CNNM1: variants seen among roughly 807,000 people sequenced by gnomAD.
CNNM1 encodes cyclin and CBS domain divalent metal cation transport mediator 1.
CNNM1 carries 44 observed loss-of-function variants against 78.8 expected under a neutral mutation model. That is an observed-to-expected ratio of 0.56 (90% CI 0.44 to 0.72). The LOEUF (loss-of-function observed/expected upper bound fraction) is 0.72. CNNM1 is among the 30% of genes least tolerant of loss of function. The probability of loss-of-function intolerance (pLI) is 0.00; values close to 1 mark genes in which losing one functional copy is unlikely to be tolerated. For synonymous variants in CNNM1, 584 were observed against 581.5 expected (o/e 1.00, Z -0.06); for missense variants, 1,101 against 1,292.2 (o/e 0.85, Z 2.27).
chr10:99,354,757 A>C (rs1021143245), intron 1 of CNNM1, among the ~76,000 whole-genome samples: 1 of 152,138 alleles, frequency 6.6e-6, no homozygotes, highest in South Asian at 2.1e-4. Context: ...AATGGTGGTA[A>C]CCTGGTATGC....
chr10:99,379,126 A>G (rs994399082), intron 7 of CNNM1, among the ~76,000 whole-genome samples: 2 of 152,214 alleles, frequency 1.3e-5, no homozygotes, highest in Non-Finnish European at 2.9e-5. Context: ...TTCGTGTTGG[A>G]CATGTGATCT....
At chr10:99,360,321 G>C (rs919461214) in intron 2 of CNNM1, among the ~76,000 whole-genome samples, 1 of 152,180 alleles carries the variant, frequency 6.6e-6, no homozygotes, top group African/African-American at 2.4e-5. Flanking sequence ...GGCCAGTTCA[G>C]GGCAAAGGAG....
rs1373969689 is a variant in CNNM1, at chr10:99,356,502, G to GAA, written c.1574-1009_1574-1008insAA. On this transcript the variant is annotated intron_variant, in intron 1 of 10. Coordinates refer to ENST00000356713, the MANE Select transcript of CNNM1 (RefSeq NM_020348.3). ...AAAGAAAGAAAGAGAGAGAGAGAGA[G>GAA]AGAGAGAGAAAGAGAAAGAGAGAAA... Among the ~76,000 whole-genome samples, 141 of 148,462 alleles carry GAA rather than the reference G, an allele frequency of 9.5e-4. 1 individual carries two copies. The highest frequency in any genetic ancestry group is 3.4e-3 in the African/African-American group (135 of 39,908).
chr10:99,341,701 C>CT (rs1166957038), intron 1 of CNNM1, among the ~76,000 whole-genome samples: 1 of 152,212 alleles, frequency 6.6e-6, no homozygotes, highest in Non-Finnish European at 1.5e-5. Flanking sequence ...GGAGCCGACA[C>CT]TGTGTCTGAA....
chr10:99,349,861 T>C (rs951410060), intron 1 of CNNM1, among the ~76,000 whole-genome samples: 6 of 151,996 alleles, frequency 3.9e-5, no homozygotes, highest in Admixed American at 2.0e-4. Flanking sequence ...TAGCTGGGCG[T>C]GGTGGCGTGT....
intron 1 of CNNM1, among the ~76,000 whole-genome samples, chr10:99,356,578 A>C (rs1345483710): frequency 7.1e-5 from 9 of 126,040 alleles, no homozygotes; most frequent in African/African-American, 2.7e-4. Context: ...GAAAGAAAGA[A>C]AGAAAGAAAG....
chr10:99,393,931 A>T lies in CNNM1; in HGVS notation c.*2415A>T, dbSNP rs2032548020. On this transcript the variant is annotated 3_prime_UTR_variant, in exon 11 of 11. Coordinates refer to ENST00000356713, the MANE Select transcript of CNNM1 (RefSeq NM_020348.3). ...ACTTCTCGTAGATAACTTCACAGTC[A>T]TCCAGTCCCAACACCTGCTCTTGCC... 6.6e-6 allele frequency: 1 copy of T among 152,276 alleles called. No individual in the cohort carries two copies. Among genetic ancestry groups the T allele is most frequent in the African/African-American group, 2.4e-5 (1 of 41,464 alleles). 9.4% of individuals were successfully genotyped at this position (152,276 alleles called of 1,614,324 possible).
In CNNM1 at chr10:99,364,448, G is replaced by A; in HGVS notation, c.2060G>A (p.Gly687Asp). The change falls in exon 5 of 11, where the codon GGC becomes GAC. Residue 687 changes from glycine to aspartate, a missense_variant. Transcript: ENST00000356713. ...GKVEVEVGKE[G>D]LRFENGAFTY... Reference sequence around the variant, plus strand: ...GTGGAGGTGGAGGTTGGTAAGGAAGGCCTTCGCTTTGAAAATGGAGCCTTT... The same window carrying A: ...GTGGAGGTGGAGGTTGGTAAGGAAGACCTTCGCTTTGAAAATGGAGCCTTT... 6.2e-7 allele frequency: 1 copy of A among 1,612,386 alleles called. No individual in the cohort carries two copies. Among genetic ancestry groups the A allele is most frequent in the Non-Finnish European group, 8.5e-7 (1 of 1,179,342 alleles).
At chr10:99,356,564 G>GAAAGAAAGAAAGAAAAGA (rs1554940027) in intron 1 of CNNM1, among the ~76,000 whole-genome samples, 1,227 of 98,132 alleles carry the variant, frequency 0.013, 22 homozygotes, top group Non-Finnish European at 0.017. Flanking sequence ...CAGACAGACA[G>GAAAGAAAGAAAGAAAAGA]AAAGAAAGAA....
Position 99,390,286 on chromosome 10 carries a change from TCTCTC to T in CNNM1, c.2675-17_2675-13del, listed in dbSNP as rs1436923548. 2 of 1,582,962 alleles carry T rather than the reference TCTCTC, an allele frequency of 1.3e-6. No homozygotes were observed. Among genetic ancestry groups the T allele is most frequent in the Non-Finnish European group, 1.7e-6 (2 of 1,157,334 alleles). On this transcript the variant is annotated splice_polypyrimidine_tract_variant and intron_variant, in intron 9 of 10. Coordinates refer to ENST00000356713, the MANE Select transcript of CNNM1 (RefSeq NM_020348.3). ...GTGTGTAGGTTGAGACAACTTGAGT[TCTCTC>T]CTTTCCTTTCTCAGCATCAGATAGT...
At chr10:99,342,123 G>A (rs1470794128) in intron 1 of CNNM1, among the ~76,000 whole-genome samples, 1 of 152,144 alleles carries the variant, frequency 6.6e-6, no homozygotes, top group African/African-American at 2.4e-5. Flanking sequence ...TAAACTAAGT[G>A]AATACCATGT....
chr10:99,385,629 A>T (rs566316254), intron 7 of CNNM1, among the ~76,000 whole-genome samples: 1 of 152,228 alleles, frequency 6.6e-6, no homozygotes, highest in African/African-American at 2.4e-5. Context: ...TAACAGTTTC[A>T]TATAATGGAT....
At chr10:99,389,608 G>A (rs1448778290) in intron 9 of CNNM1, among the ~76,000 whole-genome samples, 1 of 152,030 alleles carries the variant, frequency 6.6e-6, no homozygotes, top group African/African-American at 2.4e-5. Flanking sequence ...AAAGGAATAA[G>A]AATGAAGGCG....
chr10:99,382,253 A>G (rs2032185047), intron 7 of CNNM1, among the ~76,000 whole-genome samples: 1 of 152,236 alleles, frequency 6.6e-6, no homozygotes, highest in South Asian at 2.1e-4. Flanking sequence ...AAACAAAGCC[A>G]TGATTAATGG....
rs949368979 is a variant in CNNM1, at chr10:99,393,675, C to T, written c.*2159C>T. On this transcript the variant is annotated 3_prime_UTR_variant, in exon 11 of 11. Transcript: ENST00000356713. Reference sequence around the variant, plus strand: ...AATTGATGGGGAAGGCTGGCACCCACCAAGAAGTGGAAGTCCTCAGAAATT... The same window carrying T: ...AATTGATGGGGAAGGCTGGCACCCATCAAGAAGTGGAAGTCCTCAGAAATT... The T allele has an allele frequency of 2.0e-5, 3 of 152,318 alleles. No individual in the cohort carries two copies. In the East Asian group the frequency reaches 5.8e-4, roughly 29 times the overall value. The allele number at this position is 152,318 out of a possible 1,614,324, so 9.4% of individuals were successfully genotyped here. A position where few individuals can be genotyped will look rare whatever the true frequency, so the allele number is the denominator to read the frequency against.
At chr10:99,368,603 C>A (rs1270797426) in intron 6 of CNNM1, 1 of 1,289,116 alleles carries the variant, frequency 7.8e-7, no homozygotes, top group South Asian at 1.2e-5. Context: ...AAATCCTTGG[C>A]CCCTGACTCT....
chr10:99,387,697 T>G (rs1391846485), intron 7 of CNNM1, 123 bp from the exon 8 acceptor site: 4 of 957,876 alleles, frequency 4.2e-6, no homozygotes, highest in Non-Finnish European at 6.1e-6. Flanking sequence ...TTCGTGGATC[T>G]CAGGCCTCAG....
At chr10:99,358,352 T>A (rs2031294918) in intron 2 of CNNM1, among the ~76,000 whole-genome samples, 1 of 152,202 alleles carries the variant, frequency 6.6e-6, no homozygotes, top group Non-Finnish European at 1.5e-5. Context: ...CTTGCAAACA[T>A]TACAAAGGCA....
intron 6 of CNNM1, 148 bp from the exon 7 acceptor site, chr10:99,376,907 C>G: frequency 2.7e-6 from 2 of 746,840 alleles, no homozygotes; most frequent in Non-Finnish European, 4.4e-6. Flanking sequence ...AGGCCCATCA[C>G]CACCACCCAG....
Sources: allele counts gnomAD v4.1 joint callset (sites outside exome capture counted in the v4.1 genomes callset), GRCh38; gene constraint gnomAD v4.1.1; transcripts MANE v1.5; gene names NCBI Gene and HGNC (gene_info 2026-07-23, HGNC 2026-07-21).